Variants in DECR1 observed in about 807,000 individuals in gnomAD.
The protein encoded by DECR1 is 2,4-dienoyl-CoA reductase 1.
In DECR1, 44 loss-of-function variants were observed where a neutral mutation model predicts 38.8. The ratio of observed to expected loss-of-function variants is 1.13; its 90% CI spans 0.89 to 1.46. The LOEUF (loss-of-function observed/expected upper bound fraction) is 1.46. DECR1 is among the 40% of genes most tolerant of loss of function. DECR1 has a pLI of 0.00. For synonymous variants in DECR1, 148 were observed against 135.2 expected, an observed-to-expected ratio of 1.09 and a Z score of -0.66; for missense variants, 428 against 405.5, an observed-to-expected ratio of 1.06 and a Z score of -0.48.
At chr8:90,032,156 G>C (rs921669001) in intron 5 of DECR1, among the ~76,000 whole-genome samples, 1 of 152,126 alleles carries the variant, frequency 6.6e-6, no homozygotes, top group African/African-American at 2.4e-5. Context: ...TCTAGAAAGA[G>C]TCTGTATCCA....
At position 90,044,966 on chromosome 8, in the gene DECR1, A is replaced by G. The variant is rs1813852824; in HGVS notation, c.856A>G (p.Ser286Gly). The G allele has an allele frequency of 6.2e-7, 1 of 1,613,954 alleles. No homozygotes were observed. Among genetic ancestry groups the G allele is most frequent in the Non-Finnish European group, 8.5e-7 (1 of 1,179,906 alleles). The change falls in exon 8 of 10, where the codon AGT becomes GGT. Residue 286 changes from serine (S) to glycine (G), a missense_variant. Coordinates refer to ENST00000220764, the MANE Select transcript of DECR1 (RefSeq NM_001359.2). ...CGCAAATCTTGCTGCTTTCCTTTGT[A>G]GTGATTATGCTTCTTGGATTAATGG... is the stretch of plus-strand genomic sequence containing the variant. ...ELANLAAFLC[S>G]DYASWINGAV...
chr8:90,052,076 TA>T lies in DECR1; in HGVS notation c.*180del. 1.8e-6 allele frequency: 1 copy of T among 557,618 alleles called. No individual in the cohort carries two copies. Among genetic ancestry groups the T allele is most frequent in the Non-Finnish European group, 3.0e-6 (1 of 328,126 alleles). The allele number at this position is 557,618 out of a possible 1,614,324, so 34.5% of individuals were successfully genotyped here. A position where few individuals can be genotyped will look rare whatever the true frequency, so the allele number is the denominator to read the frequency against. ...ATTCAAAGATAAATAAAATGAAATATAGTCCTTCAAAACATTAAAAAAAAAA... is the reference window on the plus strand; with the variant it reads ...ATTCAAAGATAAATAAAATGAAATATGTCCTTCAAAACATTAAAAAAAAAA... On this transcript the variant is annotated 3_prime_UTR_variant, in exon 10 of 10. Transcript: ENST00000220764.
rs1813141482 is a variant in DECR1, at chr8:90,020,948, A to G, written c.457A>G (p.Thr153Ala). ...NNAAGNFISP[T>A]ERLSPNAWKT... is the part of the protein sequence containing the mutation. Reference sequence around the variant, plus strand: ...TGCAGCAGGGAATTTTATTTCTCCTACTGAAAGACTTTCTCCTAATGCTTG... The same window carrying G: ...TGCAGCAGGGAATTTTATTTCTCCTGCTGAAAGACTTTCTCCTAATGCTTG... Residue 153 changes from threonine (T) to alanine (A), a missense_variant, in exon 5 of 10, where the codon ACT (threonine) becomes GCT (alanine). Physicochemically the swap from Thr to Ala is moderately conservative, Grantham distance 58 (BLOSUM62 0). Transcript: ENST00000220764. 6.3e-7 allele frequency: 1 copy of G among 1,588,378 alleles called. No individual in the cohort carries two copies. Among genetic ancestry groups the G allele is most frequent in the South Asian group, 1.2e-5 (1 of 86,174 alleles).
chr8:90,024,882 G>T (rs1309569798), intron 5 of DECR1, among the ~76,000 whole-genome samples: 1 of 152,172 alleles, frequency 6.6e-6, no homozygotes, highest in Non-Finnish European at 1.5e-5. Flanking sequence ...AATCCATCAT[G>T]AATAAATTTT....
At chr8:90,026,369 G>A (rs540789509) in intron 5 of DECR1, among the ~76,000 whole-genome samples, 34 of 152,154 alleles carry the variant, frequency 2.2e-4, no homozygotes, top group South Asian at 1.9e-3. Context: ...TTTTTTGGTT[G>A]GTAGGCTTTT....
intron 1 of DECR1, among the ~76,000 whole-genome samples, chr8:90,014,033 A>G (rs956337419): frequency 6.6e-6 from 1 of 152,198 alleles, no homozygotes; most frequent in African/African-American, 2.4e-5. Context: ...AGAGATTTAG[A>G]GCTTGTAACT....
intron 5 of DECR1, among the ~76,000 whole-genome samples, chr8:90,024,873 A>G (rs1320061308): frequency 6.6e-6 from 1 of 152,170 alleles, no homozygotes; most frequent in Non-Finnish European, 1.5e-5. Flanking sequence ...TAAGTCTTTA[A>G]TCCATCATGA....
chr8:90,011,136 G>A (rs1011721365), intron 1 of DECR1, among the ~76,000 whole-genome samples: 3 of 152,156 alleles, frequency 2.0e-5, no homozygotes, highest in East Asian at 1.9e-4. Context: ...ATGAAGGGGA[G>A]CCTGTTACAT....
intron 5 of DECR1, among the ~76,000 whole-genome samples, chr8:90,027,028 G>A (rs962201306): frequency 7.2e-5 from 11 of 152,286 alleles, no homozygotes; most frequent in African/African-American, 1.4e-4. Context: ...GTAGTTGAGC[G>A]GTTTTGAGTG....
At chr8:90,050,658 G>T (rs1439866910) in intron 8 of DECR1, among the ~76,000 whole-genome samples, 3 of 152,184 alleles carry the variant, frequency 2.0e-5, no homozygotes, top group African/African-American at 2.4e-5. Context: ...ATTTGACCCA[G>T]CCATCCCATT....
At chr8:90,038,498 G>T (rs979860479) in intron 6 of DECR1, among the ~76,000 whole-genome samples, 1 of 98,914 alleles carries the variant, frequency 1.0e-5, no homozygotes, top group Non-Finnish European at 1.9e-5. Flanking sequence ...TGCTCTTGTT[G>T]CCCAGGCTGG....
intron 2 of DECR1, 33 bp from the exon 3 acceptor site, chr8:90,018,871 AAATAT>A (rs1434410862): frequency 2.1e-5 from 31 of 1,455,682 alleles, no homozygotes; most frequent in Non-Finnish European, 2.9e-5. Flanking sequence ...TGAAATTGAA[AAATAT>A]AATATGAAGT....
intron 5 of DECR1, among the ~76,000 whole-genome samples, chr8:90,027,356 T>C (rs1264929802): frequency 6.6e-6 from 1 of 152,206 alleles, no homozygotes; most frequent in Non-Finnish European, 1.5e-5. Context: ...TGTGGGCGTC[T>C]ACATCTCTTT....
intron 1 of DECR1, among the ~76,000 whole-genome samples, chr8:90,011,090 CAT>C (rs1812871868): frequency 6.6e-6 from 1 of 152,182 alleles, no homozygotes; most frequent in African/African-American, 2.4e-5. Flanking sequence ...CATATGTCAA[CAT>C]ATGTATGAAG....
intron 8 of DECR1, among the ~76,000 whole-genome samples, chr8:90,051,371 A>G (rs1814087698): frequency 6.6e-6 from 1 of 152,016 alleles, no homozygotes; most frequent in South Asian, 2.1e-4. Context: ...TCAAGATAAG[A>G]TTTTTTTGGG....
intron 8 of DECR1, among the ~76,000 whole-genome samples, chr8:90,048,249 G>GT (rs1273285638): frequency 3.3e-5 from 5 of 151,624 alleles, no homozygotes; most frequent in East Asian, 3.9e-4. Flanking sequence ...TCCAGGAGCT[G>GT]TTTTTTTTGA....
At chr8:90,048,999 C>A (rs1189125711) in intron 8 of DECR1, among the ~76,000 whole-genome samples, 2 of 152,148 alleles carry the variant, frequency 1.3e-5, no homozygotes, top group Non-Finnish European at 2.9e-5. Flanking sequence ...GCCCTTCATG[C>A]TAAAAACTCT....
intron 5 of DECR1, among the ~76,000 whole-genome samples, chr8:90,021,511 A>G (rs79978131): frequency 0.027 from 4,093 of 152,306 alleles, 102 homozygotes; most frequent in South Asian, 0.097. Context: ...TAATTGGGAG[A>G]GTTCTCAATA....
At chr8:90,026,103 T>G (rs1813328629) in intron 5 of DECR1, among the ~76,000 whole-genome samples, 2 of 152,220 alleles carry the variant, frequency 1.3e-5, no homozygotes, top group African/African-American at 4.8e-5. Flanking sequence ...AGCTTTTTGA[T>G]GTGCTGCTGG....
Sources: allele counts gnomAD v4.1 joint callset (sites outside exome capture counted in the v4.1 genomes callset), GRCh38; gene constraint gnomAD v4.1.1; transcripts MANE v1.5; gene names NCBI Gene and HGNC (gene_info 2026-07-23, HGNC 2026-07-21).